Variants in STYXL2 observed in about 807,000 individuals in gnomAD.
The protein encoded by STYXL2 is serine/threonine/tyrosine-interacting-like protein 2.
A neutral mutation model predicts 52.4 loss-of-function variants in STYXL2; 44 were observed. That is an observed-to-expected ratio of 0.84 (90% confidence interval 0.66 to 1.08). The LOEUF is 1.08. Among genes scored for constraint, STYXL2 ranks in the 50% least tolerant of loss-of-function variants. The pLI is 0.00. For synonymous variants in STYXL2, 604 were observed against 586.9 expected (o/e 1.03, Z -0.42); for missense variants, 1,604 against 1,471.7 (o/e 1.09, Z -1.47).
At chr1:167,096,037 A>T (rs936263610) in intron 2 of STYXL2, among the ~76,000 whole-genome samples, 13 of 152,066 alleles carry the variant, frequency 8.5e-5, no homozygotes, top group Non-Finnish European at 1.6e-4. Context: ...AGGTGGGAGG[A>T]TCATGAGGTC....
intron 5 of STYXL2, among the ~76,000 whole-genome samples, chr1:167,123,566 G>A (rs769398803): frequency 1.8e-4 from 28 of 152,170 alleles, no homozygotes; most frequent in Admixed American, 4.6e-4. Context: ...GACTGAGGAC[G>A]AGAGGAGAAA....
At chr1:167,117,610 C>T (rs934618960) in intron 4 of STYXL2, 51 bp downstream of exon 4, 1 of 1,498,348 alleles carries the variant, frequency 6.7e-7, no homozygotes, top group African/African-American at 1.4e-5. Context: ...CTGGTTAGTG[C>T]CTGAGACAGA....
At position 167,127,699 on chromosome 1, in the gene STYXL2, G is replaced by A. The variant is rs142447265; in HGVS notation, c.2568G>A (p.Met856Ile). The change falls in exon 6 of 6, where the codon ATG (methionine) becomes ATA (isoleucine). Residue 856 changes from methionine to isoleucine, a missense_variant. Coordinates refer to ENST00000361200, the MANE Select transcript of STYXL2 (RefSeq NM_001080426.3). ...ELREKMSEYK[M>I]EKLASDNKRS... ...GGGAGAAGATGTCTGAGTACAAAAT[G>A]GAAAAGCTGGCCTCAGACAACAAAC... is the stretch of plus-strand genomic sequence containing the variant. 1 of 1,613,962 alleles carries A rather than the reference G, an allele frequency of 6.2e-7. No homozygotes were observed. Among genetic ancestry groups the A allele is most frequent in the African/African-American group, 1.3e-5 (1 of 74,870 alleles).
intron 3 of STYXL2, among the ~76,000 whole-genome samples, chr1:167,115,299 A>T (rs1242120000): frequency 6.6e-6 from 1 of 152,192 alleles, no homozygotes; most frequent in Admixed American, 6.5e-5. Flanking sequence ...GTGTGCTGAA[A>T]ACCTTCCGTT....
At position 167,119,364 on chromosome 1, in the gene STYXL2, C is replaced by T; in HGVS notation, c.553C>T (p.Gln185Ter). ...CGAATTCTACACTGGCCTGGAGATC[C>T]AGTACCTGGGTGTAGAGGTGGATGA... is the stretch of plus-strand genomic sequence containing the variant. The part of the protein sequence containing the change: ...GPEFYTGLEI[Q>*]YLGVEVDDFP... The change falls in exon 5 of 6, where the codon CAG becomes TAG. Residue 185 changes from glutamine to a stop codon, truncating the protein, a stop_gained. Coordinates refer to ENST00000361200, the MANE Select transcript of STYXL2 (RefSeq NM_001080426.3). LOFTEE classifies it high-confidence loss of function. The T allele has an allele frequency of 6.2e-7, 1 of 1,614,236 alleles. No homozygotes were observed. Among genetic ancestry groups the T allele is most frequent in the Non-Finnish European group, 8.5e-7 (1 of 1,180,040 alleles).
intron 4 of STYXL2, 144 bp from the exon 5 acceptor site, chr1:167,119,105 A>T (rs1223867980): frequency 2.9e-6 from 2 of 689,610 alleles, no homozygotes; most frequent in Non-Finnish European, 5.0e-6. Flanking sequence ...TGGTATTTGC[A>T]GTGATCCCCA....
At chr1:167,124,855 C>G (rs1027496086) in intron 5 of STYXL2, among the ~76,000 whole-genome samples, 1 of 151,648 alleles carries the variant, frequency 6.6e-6, no homozygotes, top group Non-Finnish European at 1.5e-5. Context: ...CCCCAGTGAC[C>G]CAAACAAGGG....
chr1:167,107,699 T>C (rs1251195957), intron 2 of STYXL2, among the ~76,000 whole-genome samples: 1 of 152,202 alleles, frequency 6.6e-6, no homozygotes, highest in Non-Finnish European at 1.5e-5. Context: ...GACATTCTCC[T>C]AGGTGCTAGG....
At chr1:167,098,770 G>A (rs536329846) in intron 2 of STYXL2, among the ~76,000 whole-genome samples, 4 of 152,214 alleles carry the variant, frequency 2.6e-5, no homozygotes, top group Admixed American at 6.5e-5. Context: ...GCTTTTGGCC[G>A]GAATACCTAA....
At chr1:167,110,326 C>A (rs1041551360) in intron 2 of STYXL2, among the ~76,000 whole-genome samples, 7 of 152,066 alleles carry the variant, frequency 4.6e-5, no homozygotes, top group Non-Finnish European at 1.0e-4. Flanking sequence ...TCTTTAACAC[C>A]CCCAAAAGAT....
chr1:167,119,993 G>T (rs112792349), intron 5 of STYXL2, among the ~76,000 whole-genome samples: 4 of 152,342 alleles, frequency 2.6e-5, no homozygotes, highest in African/African-American at 9.6e-5. Flanking sequence ...TCAAAGGCCA[G>T]TGTCGATGAG....
chr1:167,094,686 T>C, intron 1 of STYXL2, 148 bp from the exon 2 acceptor site: 1 of 615,798 alleles, frequency 1.6e-6, no homozygotes, highest in Non-Finnish European at 2.9e-6. Flanking sequence ...CTGGGCCAGG[T>C]CTGACTGGAT....
chr1:167,106,962 G>C (rs895153704), intron 2 of STYXL2, among the ~76,000 whole-genome samples: 1 of 152,152 alleles, frequency 6.6e-6, no homozygotes, highest in Non-Finnish European at 1.5e-5. Flanking sequence ...TAATGACTAA[G>C]GACAATAATT....
Position 167,128,653 on chromosome 1 carries a change from C to T in STYXL2, c.*45C>T. ...CACTGAAAGAAACCACTCACGTTAG[C>T]ATAGGGCTCAGGGCACACGTTGCCA... On this transcript the variant is annotated 3_prime_UTR_variant, in exon 6 of 6. Transcript: ENST00000361200. 1 of 1,564,516 alleles carries T rather than the reference C, an allele frequency of 6.4e-7. No homozygotes were observed.
intron 5 of STYXL2, 109 bp from the exon 6 acceptor site, chr1:167,125,678 C>T: frequency 7.0e-7 from 1 of 1,425,568 alleles, no homozygotes; most frequent in Non-Finnish European, 9.1e-7. Flanking sequence ...AAAGTAAACA[C>T]CTTAAGTGCA....
Position 167,128,472 on chromosome 1 carries a change from C to G in STYXL2, c.3341C>G (p.Ser1114Cys), listed in dbSNP as rs780262131. Residue 1114 changes from serine (S) to cysteine (C), a missense_variant, in exon 6 of 6, where the codon TCT (serine) becomes TGT (cysteine). Transcript: ENST00000361200. The stretch of plus-strand genomic sequence containing the variant: ...AACAGAGAAGAAGGGAGGTTTGCAT[C>G]TGGACGGCGGTCCCAGTATCGGAGA... ...TENREEGRFA[S>C]GRRSQYRRST... 1 of 1,613,844 alleles carries G rather than the reference C, an allele frequency of 6.2e-7. No homozygotes were observed. The highest frequency in any genetic ancestry group is 2.2e-5 in the East Asian group (1 of 44,864).
At chr1:167,117,280 C>T in intron 3 of STYXL2, 48 bp from the exon 4 acceptor site, 3 of 1,489,858 alleles carry the variant, frequency 2.0e-6, no homozygotes, top group Non-Finnish European at 2.7e-6. Flanking sequence ...ACAAGGAAGG[C>T]CATGATGTTC....
chr1:167,125,173 G>A (rs1667936646), intron 5 of STYXL2, among the ~76,000 whole-genome samples: 1 of 152,160 alleles, frequency 6.6e-6, no homozygotes, highest in Non-Finnish European at 1.5e-5. Flanking sequence ...ACTTTATAAT[G>A]TCAGAGCAGG....
At chr1:167,117,136 T>C (rs1368192880) in intron 3 of STYXL2, among the ~76,000 whole-genome samples, 192 bp from the exon 4 acceptor site, 1 of 152,224 alleles carries the variant, frequency 6.6e-6, no homozygotes, top group Non-Finnish European at 1.5e-5. Flanking sequence ...TTGCTGACCC[T>C]GATTACAAGT....
Sources: gnomAD v4.1 joint callset for allele counts (sites outside exome capture counted in the v4.1 genomes callset) on GRCh38, gnomAD v4.1.1 for gene constraint, MANE v1.5 for transcripts, NCBI Gene and HGNC (gene_info 2026-07-23, HGNC 2026-07-21) for gene names.